Variants in CDC42BPA observed in about 807,000 individuals in gnomAD.
CDC42BPA encodes the protein serine/threonine-protein kinase MRCK alpha.
Under a neutral mutation model 223.5 loss-of-function variants are expected in CDC42BPA, and 80 were observed. The ratio of observed to expected loss-of-function variants is 0.36; its 90% CI spans 0.30 to 0.43. The LOEUF is 0.43. Among genes scored for constraint, CDC42BPA ranks in the 20% least tolerant of loss-of-function variants. The probability of loss-of-function intolerance (pLI) is 1.00; values close to 1 mark genes in which losing one functional copy is unlikely to be tolerated. For missense variants in CDC42BPA, 1,743 were observed against 2,099.9 expected (o/e 0.83, Z 3.32); for synonymous variants, 694 against 718.6 (o/e 0.97, Z 0.55).
chr1:227,200,503 A>G (rs1454630365), intron 3 of CDC42BPA, among the ~76,000 whole-genome samples: 1 of 150,518 alleles, frequency 6.6e-6, no homozygotes, highest in Non-Finnish European at 1.5e-5. Context: ...TGTGAATGGT[A>G]TAATTTTATC....
At position 227,215,168 on chromosome 1, in the gene CDC42BPA, T is replaced by C. The variant is rs547437830; in HGVS notation, c.271-1949A>G. 2.0e-5 allele frequency among the ~76,000 whole-genome samples: 3 copies of C among 152,244 alleles called. No homozygotes were observed. The South Asian group carries it at 6.2e-4, about 32-fold the overall frequency. On this transcript the variant is annotated intron_variant, in intron 2 of 36. Coordinates refer to ENST00000366766, the MANE Select transcript of CDC42BPA (RefSeq NM_001394014.1). Reference sequence around the variant, plus strand: ...ATTATCTTTCTAAAATCCAAAAATATTGGAACCAAAACCACCTCTGGAATA... The same window carrying C: ...ATTATCTTTCTAAAATCCAAAAATACTGGAACCAAAACCACCTCTGGAATA...
chr1:227,013,152 A>C (rs2148460282), intron 34 of CDC42BPA, among the ~76,000 whole-genome samples: 1 of 152,288 alleles, frequency 6.6e-6, no homozygotes. Flanking sequence ...CACTTACGTG[A>C]TAAGAAAACA....
chr1:227,203,243 C>T (rs2150257910), intron 3 of CDC42BPA, among the ~76,000 whole-genome samples: 2 of 152,288 alleles, frequency 1.3e-5, no homozygotes, highest in South Asian at 4.1e-4. Flanking sequence ...AGATATAAAG[C>T]ACAGGCTACG....
chr1:227,168,497 G>GTGTTTTGTTTT (rs1302291274), intron 5 of CDC42BPA, among the ~76,000 whole-genome samples: 25 of 80,212 alleles, frequency 3.1e-4, no homozygotes, highest in African/African-American at 6.4e-4. Context: ...CTTCCCTGGT[G>GTGTTTTGTTTT]TTTTTTTTTT....
rs75162192 is a variant in CDC42BPA at position 227,309,714 on chromosome 1, T to G, written c.178+7291A>C. Among the ~76,000 whole-genome samples, 866 of 152,358 alleles carry G rather than the reference T, an allele frequency of 5.7e-3. 12 individuals are homozygous for G. Among genetic ancestry groups the G allele is most frequent in the African/African-American group, 0.02 (822 of 41,576 alleles). On this transcript the variant is annotated intron_variant, in intron 1 of 36. Transcript: ENST00000366766. Reference sequence around the variant, plus strand: ...CTGTAAAAAATAAAGTGACAATTTCTGTATTTAATGTAAATGCCTACACAT... The same window carrying G: ...CTGTAAAAAATAAAGTGACAATTTCGGTATTTAATGTAAATGCCTACACAT...
At chr1:227,007,447 A>G (rs1558266953) in intron 34 of CDC42BPA, among the ~76,000 whole-genome samples, 1 of 152,238 alleles carries the variant, frequency 6.6e-6, no homozygotes, top group Non-Finnish European at 1.5e-5. Context: ...TAATGAAATT[A>G]TAAGAGACCA....
At chr1:227,125,533 G>C (rs1689408492) in intron 11 of CDC42BPA, among the ~76,000 whole-genome samples, 1 of 148,988 alleles carries the variant, frequency 6.7e-6, no homozygotes, top group Non-Finnish European at 1.5e-5. Context: ...GGAGATGGTA[G>C]TTGCAGTGAG....
chr1:227,254,223 G>C, intron 1 of CDC42BPA, 68 bp from the exon 2 acceptor site: 1 of 769,292 alleles, frequency 1.3e-6, no homozygotes, highest in Non-Finnish European at 2.1e-6. Context: ...ATAAATAATG[G>C]TGTTTCTTAG....
intron 15 of CDC42BPA, among the ~76,000 whole-genome samples, chr1:227,095,589 GTTTTTTT>G (rs35570582): frequency 7.8e-6 from 1 of 127,594 alleles, no homozygotes; most frequent in African/African-American, 2.9e-5. Context: ...AAGTTCTTTG[GTTTTTTT>G]TTTTTTTTTT....
At position 227,072,376 on chromosome 1, in the gene CDC42BPA, C is replaced by A. The variant is rs533241462; in HGVS notation, c.2736-77G>T. The A allele has an allele frequency of 6.3e-6, 5 of 799,898 alleles. No homozygotes were observed. The East Asian group carries it at 1.3e-4, about 20-fold the overall frequency. 49.6% of individuals were successfully genotyped at this position (799,898 alleles called of 1,614,324 possible). A position where few individuals can be genotyped will look rare whatever the true frequency, so the allele number is the denominator to read the frequency against. On this transcript the variant is annotated intron_variant, in intron 19 of 36. Coordinates refer to ENST00000366766, the MANE Select transcript of CDC42BPA (RefSeq NM_001394014.1). Reference sequence around the variant, plus strand: ...GTGAGCCATCTTGGATGTAGCCAAACTTACTTGGTTTAAATGTCAGGCATG... The same window carrying A: ...GTGAGCCATCTTGGATGTAGCCAAAATTACTTGGTTTAAATGTCAGGCATG...
At chr1:227,297,952 G>GTATATATATA (rs1416531677) in intron 1 of CDC42BPA, among the ~76,000 whole-genome samples, 3 of 80,888 alleles carry the variant, frequency 3.7e-5, no homozygotes, top group African/African-American at 1.3e-4. Context: ...GTGTGTGTGT[G>GTATATATATA]TGTATATATA....
chr1:227,126,033 C>T (rs1689523933), intron 11 of CDC42BPA, among the ~76,000 whole-genome samples: 1 of 151,942 alleles, frequency 6.6e-6, no homozygotes, highest in African/African-American at 2.4e-5. Flanking sequence ...ACACCACACC[C>T]AAGGGGCTCA....
intron 35 of CDC42BPA, among the ~76,000 whole-genome samples, chr1:227,000,165 C>T (rs1023557585): frequency 2.6e-5 from 4 of 151,678 alleles, no homozygotes; most frequent in African/African-American, 9.7e-5. Context: ...GAAGGCCCCT[C>T]GGACTGAGAA....
intron 5 of CDC42BPA, among the ~76,000 whole-genome samples, chr1:227,188,448 C>G (rs1266506732): frequency 6.6e-6 from 1 of 151,754 alleles, no homozygotes; most frequent in East Asian, 1.9e-4. Context: ...AATGCAGCTT[C>G]ATTCACAATT....
intron 2 of CDC42BPA, among the ~76,000 whole-genome samples, chr1:227,252,648 G>C (rs1323361456): frequency 6.6e-6 from 1 of 152,124 alleles, no homozygotes; most frequent in Non-Finnish European, 1.5e-5. Context: ...CACACAAAAA[G>C]CACATGAAGT....
chr1:226,995,189 G>A (rs1043202779), intron 35 of CDC42BPA, among the ~76,000 whole-genome samples: 3 of 152,066 alleles, frequency 2.0e-5, no homozygotes, highest in Non-Finnish European at 2.9e-5. Flanking sequence ...CCCCAGCCAC[G>A]GGGACTCCCG....
At chr1:227,007,512 T>C (rs1304371164) in intron 34 of CDC42BPA, among the ~76,000 whole-genome samples, 1 of 152,238 alleles carries the variant, frequency 6.6e-6, no homozygotes, top group Non-Finnish European at 1.5e-5. Flanking sequence ...GTGTTTCCTA[T>C]CTTTTCTTCC....
At chr1:227,131,058 T>C (rs1286390962) in intron 10 of CDC42BPA, among the ~76,000 whole-genome samples, 4 of 152,184 alleles carry the variant, frequency 2.6e-5, no homozygotes, top group African/African-American at 9.6e-5. Flanking sequence ...TTCCCTATCT[T>C]ACTCTTTTTT....
chr1:227,030,822 A>G (rs1354250843), intron 28 of CDC42BPA, among the ~76,000 whole-genome samples: 1 of 152,216 alleles, frequency 6.6e-6, no homozygotes, highest in East Asian at 1.9e-4. Flanking sequence ...GAAAGTAACA[A>G]AAGAGTTAGA....
Sources: allele counts gnomAD v4.1 joint callset (sites outside exome capture counted in the v4.1 genomes callset), GRCh38; gene constraint gnomAD v4.1.1; transcripts MANE v1.5; gene names NCBI Gene and HGNC (gene_info 2026-07-23, HGNC 2026-07-21).